The following ABL2 variants were observed in gnomAD, a reference collection of about 807,000 sequenced individuals.
ABL2 encodes the protein ABL proto-oncogene 2, non-receptor tyrosine kinase.
A neutral mutation model predicts 107.7 loss-of-function variants in ABL2; 49 were observed. The ratio of observed to expected loss-of-function variants is 0.45; its 90% CI spans 0.36 to 0.58. ABL2 has a LOEUF of 0.58. ABL2 is among the 20% of genes least tolerant of loss of function. ABL2 has a pLI of 0.00. For synonymous variants in ABL2, 549 were observed against 548.6 expected, an observed-to-expected ratio of 1.00 and a Z score of -0.01; for missense variants, 1,245 against 1,457.0, an observed-to-expected ratio of 0.85 and a Z score of 2.37.
chr1:179,128,059 A>C (rs1655913538), intron 3 of ABL2, among the ~76,000 whole-genome samples: 1 of 151,740 alleles, frequency 6.6e-6, no homozygotes, highest in African/African-American at 2.4e-5. Context: ...ACATGGCCAG[A>C]AGTATCAGGC....
intron 1 of ABL2, among the ~76,000 whole-genome samples, chr1:179,142,015 C>T (rs1165013788): frequency 6.6e-6 from 1 of 152,190 alleles, no homozygotes; most frequent in Non-Finnish European, 1.5e-5. Context: ...TGTCACTTTC[C>T]TCATTGGTTA....
At chr1:179,224,852 CAAAAAAAAA>C (rs34472235) in intron 1 of ABL2, among the ~76,000 whole-genome samples, 2 of 64,982 alleles carry the variant, frequency 3.1e-5, no homozygotes, top group East Asian at 1.1e-3. Context: ...TCCGTCTCTA[CAAAAAAAAA>C]AAAAAAAACA....
chr1:179,159,290 G>C lies in ABL2; in HGVS notation c.158-25916C>G, dbSNP rs572503851. Among the ~76,000 whole-genome samples the C allele has an allele frequency of 1.1e-4, 17 of 152,302 alleles. No homozygotes were observed. The East Asian group carries it at 3.1e-3, about 28-fold the overall frequency. The stretch of plus-strand genomic sequence containing the variant: ...GTCAATCAGTTTTCCAATTCATAAA[G>C]AGGGTCTACACCACTGCTCCACAAG... On this transcript the variant is annotated intron_variant, in intron 1 of 11. Coordinates refer to ENST00000502732, the MANE Select transcript of ABL2 (RefSeq NM_007314.4).
In ABL2 at chr1:179,107,752, C is replaced by A. The variant is rs778069076; in HGVS notation, c.3515G>T (p.Cys1172Phe). ...CACCACATCACTGATTTCCTGTACA[C>A]ATGACAATAAGTTATTAAGGACAGG... ...TNPVLNNLLS[C>F]VQEISDVVQR The change falls in exon 12 of 12, where the codon TGT (cysteine) becomes TTT (phenylalanine). Residue 1172 changes from cysteine to phenylalanine, a missense_variant. By Grantham distance (205) the Cys-to-Phe change is radical. Around this residue, in one of 3 missense-constraint regions of ABL2, gnomAD observed 761 missense variants for 766.4 expected, o/e 0.99. Coordinates refer to ENST00000502732, the MANE Select transcript of ABL2 (RefSeq NM_007314.4). 6.2e-7 allele frequency: 1 copy of A among 1,613,694 alleles called. No individual in the cohort carries two copies. Among genetic ancestry groups the A allele is most frequent in the Non-Finnish European group, 8.5e-7 (1 of 1,179,722 alleles).
Position 179,106,663 on chromosome 1 carries a change from T to C in ABL2, c.*1055A>G. ...ACAGCCATTAGGACCAAGCCAGCTT[T>C]TCCTCTCAGTCACATACAGGCCACT... On this transcript the variant is annotated 3_prime_UTR_variant, in exon 12 of 12. Coordinates refer to ENST00000502732, the MANE Select transcript of ABL2 (RefSeq NM_007314.4). The C allele has an allele frequency of 4.3e-6, 1 of 232,106 alleles. No individual in the cohort carries two copies. The allele number at this position is 232,106 out of a possible 1,614,324, so 14.4% of individuals were successfully genotyped here. A position where few individuals can be genotyped will look rare whatever the true frequency, so the allele number is the denominator to read the frequency against.
At position 179,103,421 on chromosome 1, in the gene ABL2, G is replaced by C. The variant is rs1653261207; in HGVS notation, c.*4297C>G. 1 of 203,136 alleles carries C rather than the reference G, an allele frequency of 4.9e-6. No individual in the cohort carries two copies. The highest frequency in any genetic ancestry group is 1.0e-5 in the Non-Finnish European group (1 of 99,134). The allele number at this position is 203,136 out of a possible 1,614,324, so 12.6% of individuals were successfully genotyped here. ...ATATTACAGTTGATATTTTCTCAAA[G>C]TGCTGTCATATACATTATCTCATAG... On this transcript the variant is annotated 3_prime_UTR_variant, in exon 12 of 12. Coordinates refer to ENST00000502732, the MANE Select transcript of ABL2 (RefSeq NM_007314.4).
At chr1:179,217,424 A>G (rs2816212) in intron 1 of ABL2, among the ~76,000 whole-genome samples, 74,671 of 151,528 alleles carry the variant, frequency 0.49, 18,519 homozygotes, top group Admixed American at 0.54. Flanking sequence ...TCAGGAGTTC[A>G]AGACTAGCCT....
chr1:179,146,792 TGAGGAAAAAGGA>T (rs1436903858), intron 1 of ABL2, among the ~76,000 whole-genome samples: 2 of 152,072 alleles, frequency 1.3e-5, no homozygotes, highest in Admixed American at 1.3e-4. Flanking sequence ...CCTTCTGCCA[TGAGGAAAAAGGA>T]AAGGAAAAAG....
At chr1:179,113,001 G>A (rs1434456835) in intron 9 of ABL2, among the ~76,000 whole-genome samples, 8 of 152,082 alleles carry the variant, frequency 5.3e-5, no homozygotes, top group African/African-American at 1.2e-4. Flanking sequence ...TGATCCACCC[G>A]CCTCAGCCTC....
At chr1:179,187,875 C>G (rs905813155) in intron 1 of ABL2, among the ~76,000 whole-genome samples, 1 of 152,150 alleles carries the variant, frequency 6.6e-6, no homozygotes, top group Non-Finnish European at 1.5e-5. Flanking sequence ...ATCAGCTAGA[C>G]TGAACCCTAT....
chr1:179,191,880 A>G (rs554105261), intron 1 of ABL2, among the ~76,000 whole-genome samples: 4 of 152,370 alleles, frequency 2.6e-5, no homozygotes, highest in Admixed American at 2.0e-4. Flanking sequence ...AATTGAAATG[A>G]GACAGAAAAT....
chr1:179,141,436 T>C (rs1461829185), intron 1 of ABL2, among the ~76,000 whole-genome samples: 1 of 152,166 alleles, frequency 6.6e-6, no homozygotes, highest in Non-Finnish European at 1.5e-5. Context: ...TTCCTGAAAG[T>C]TGTGTTATCT....
At chr1:179,152,146 T>G (rs1658401761) in intron 1 of ABL2, among the ~76,000 whole-genome samples, 1 of 152,176 alleles carries the variant, frequency 6.6e-6, no homozygotes, top group Non-Finnish European at 1.5e-5. Flanking sequence ...TTCAAACCAG[T>G]ACCAAATGTG....
At chr1:179,212,472 C>T (rs939863176) in intron 1 of ABL2, among the ~76,000 whole-genome samples, 4 of 152,224 alleles carry the variant, frequency 2.6e-5, no homozygotes, top group Non-Finnish European at 4.4e-5. Flanking sequence ...GTGGCTCACA[C>T]CTGTAATCAC....
intron 1 of ABL2, among the ~76,000 whole-genome samples, chr1:179,202,291 G>A (rs1032540112): frequency 2.0e-5 from 3 of 152,102 alleles, no homozygotes; most frequent in Non-Finnish European, 2.9e-5. Flanking sequence ...CTAACAATAT[G>A]GAAGTGCTAT....
At position 179,108,105 on chromosome 1, in the gene ABL2, C is replaced by A. The variant is rs148651616; in HGVS notation, c.3162G>T (p.Ser1054=). ...PQVPLPTSSI[S]PAKMANGTAG... ...CTGTGCCATTGGCCATTTTGGCTGG[C>A]GAGATGGAAGATGTGGGCAGAGGCA... is the stretch of plus-strand genomic sequence containing the variant. Residue 1054 remains serine, a synonymous_variant, in exon 12 of 12, where the codon TCG becomes TCT. Transcript: ENST00000502732. 6.2e-7 allele frequency: 1 copy of A among 1,614,186 alleles called. No individual in the cohort carries two copies. Among genetic ancestry groups the A allele is most frequent in the Non-Finnish European group, 8.5e-7 (1 of 1,180,028 alleles).
intron 1 of ABL2, among the ~76,000 whole-genome samples, chr1:179,162,158 A>G (rs1228664071): frequency 1.3e-5 from 2 of 152,232 alleles, no homozygotes; most frequent in African/African-American, 4.8e-5. Flanking sequence ...GTGTTTCATA[A>G]AAGTAGGCTA....
At chr1:179,128,148 T>C (rs370481101) in intron 3 of ABL2, among the ~76,000 whole-genome samples, 3 of 152,088 alleles carry the variant, frequency 2.0e-5, no homozygotes, top group Admixed American at 6.5e-5. Flanking sequence ...AACGTTTCCA[T>C]AGAATAACTT....
Position 179,108,205 on chromosome 1 carries a change from C to T in ABL2, c.3062G>A (p.Gly1021Glu). The change falls in exon 12 of 12, where the codon GGA (glycine) becomes GAA (glutamate). Residue 1021 changes from glycine (G) to glutamate (E), a missense_variant. This residue lies in a region of ABL2 where 761 missense variants were observed against 766.4 expected (regional missense o/e 0.99). Coordinates refer to ENST00000502732, the MANE Select transcript of ABL2 (RefSeq NM_007314.4). ...AGQSTSETQE[G>E]GKKAALGAVP... is the part of the protein sequence containing the mutation. ...TGCGCCCAGAGCTGCCTTCTTTCCT[C>T]CTTCCTGTGTTTCTGATGTGGACTG... is the stretch of plus-strand genomic sequence containing the variant. 1 of 1,614,212 alleles carries T rather than the reference C, an allele frequency of 6.2e-7. No homozygotes were observed. The highest frequency in any genetic ancestry group is 8.5e-7 in the Non-Finnish European group (1 of 1,180,036).
Sources: gnomAD v4.1 joint callset for allele counts (sites outside exome capture counted in the v4.1 genomes callset) on GRCh38, gnomAD v4.1.1 for gene constraint, gnomAD v4.1.1 regional missense constraint, MANE v1.5 for transcripts, NCBI Gene and HGNC (gene_info 2026-07-23, HGNC 2026-07-21) for gene names.